Variants in LRP6 observed in about 807,000 individuals in gnomAD.
LRP6 encodes LDL receptor related protein 6, also known as low-density lipoprotein receptor-related protein 6.
Under a neutral mutation model 184.1 loss-of-function variants are expected in LRP6, and 43 were observed. The ratio of observed to expected loss-of-function variants is 0.23; its 90% confidence interval spans 0.18 to 0.30. The LOEUF is 0.30. LRP6 is among the 10% of genes least tolerant of loss of function. The pLI, the probability that LRP6 is intolerant of heterozygous loss-of-function variation, is 1.00. For synonymous variants in LRP6, 719 were observed against 684.9 expected, an observed-to-expected ratio of 1.05 and a Z score of -0.78; for missense variants, 1,571 against 2,005.3, an observed-to-expected ratio of 0.78 and a Z score of 4.14.
At chr12:12,223,502 C>A (rs1864541862) in intron 2 of LRP6, among the ~76,000 whole-genome samples, 2 of 152,156 alleles carry the variant, frequency 1.3e-5, no homozygotes, top group Admixed American at 1.3e-4. Context: ...TATATCAATA[C>A]AATCTTTCAT....
chr12:12,183,765 ATATGT>A (rs1863401191), intron 5 of LRP6, among the ~76,000 whole-genome samples: 1 of 152,346 alleles, frequency 6.6e-6, no homozygotes, highest in Admixed American at 6.5e-5. Flanking sequence ...TTTTTCAAAA[ATATGT>A]TATTTAAAAC....
intron 7 of LRP6, among the ~76,000 whole-genome samples, chr12:12,179,395 TATAGATATAG>T (rs1227065927): frequency 3.4e-5 from 5 of 146,224 alleles, no homozygotes; most frequent in African/African-American, 1.3e-4. Flanking sequence ...TAGATATAGA[TATAGATATAG>T]ATATAGATAT....
intron 4 of LRP6, among the ~76,000 whole-genome samples, chr12:12,186,048 AT>A (rs1863464586): frequency 6.6e-6 from 1 of 151,890 alleles, no homozygotes; most frequent in African/African-American, 2.4e-5. Flanking sequence ...GGGTTTCACC[AT>A]GTTGGCCAGG....
chr12:12,189,819 G>A (rs1014673434), intron 3 of LRP6, among the ~76,000 whole-genome samples: 25 of 151,908 alleles, frequency 1.6e-4, no homozygotes, highest in Admixed American at 5.9e-4. Flanking sequence ...AAATATAAAT[G>A]TCACTTTCTT....
In LRP6 at chr12:12,164,402, A is replaced by G. The variant is rs1862819115; in HGVS notation, c.1923T>C (p.Asp641=). 2 of 1,614,088 alleles carry G rather than the reference A, an allele frequency of 1.2e-6. No individual in the cohort carries two copies. The highest frequency in any genetic ancestry group is 1.7e-6 in the Non-Finnish European group (2 of 1,180,052). ...TTGTTTCCAGAGAAATTCGTCTGATATCTGCTCTCCGTGAAAACAAAAGGA... is the reference window on the plus strand; with the variant it reads ...TTGTTTCCAGAGAAATTCGTCTGATGTCTGCTCTCCGTGAAAACAAAAGGA... ...EAFLLFSRRA[D]IRRISLETNN... is the part of the protein sequence containing the mutation. Residue 641 remains aspartate (D), a synonymous_variant, in exon 9 of 23, where the codon GAT becomes GAC. Coordinates refer to ENST00000261349, the MANE Select transcript of LRP6 (RefSeq NM_002336.3).
chr12:12,213,685 T>C (rs984462975), intron 2 of LRP6, among the ~76,000 whole-genome samples: 3 of 152,256 alleles, frequency 2.0e-5, no homozygotes, highest in African/African-American at 7.2e-5. Context: ...GATACTGATA[T>C]AAACTGATTT....
intron 2 of LRP6, among the ~76,000 whole-genome samples, chr12:12,235,462 G>A (rs974775524): frequency 5.9e-5 from 9 of 152,168 alleles, no homozygotes; most frequent in Non-Finnish European, 1.0e-4. Context: ...GGGAGCAGTG[G>A]CTCACGCCTG....
chr12:12,187,010 A>G lies in LRP6; in HGVS notation c.757T>C (p.Tyr253His). 6.2e-7 allele frequency: 1 copy of G among 1,614,118 alleles called. No homozygotes were observed. Residue 253 changes from tyrosine to histidine, a missense_variant, in exon 4 of 23, where the codon TAT becomes CAT. Tyr to His is a moderately conservative substitution (Grantham distance 83). This residue lies in a region of LRP6 where 640 missense variants were observed against 851.9 expected (regional missense o/e 0.75). Coordinates refer to ENST00000261349, the MANE Select transcript of LRP6 (RefSeq NM_002336.3). ...STHSILACNK[Y>H]TGEGLREIHS... is the part of the protein sequence containing the mutation. ...ATTTCACGCAGACCCTCACCAGTAT[A>G]CTTGTTGCAAGCCAAAATGGAGTGT...
intron 15 of LRP6, chr12:12,138,963 G>A (rs780262164): frequency 1.0e-5 from 14 of 1,362,096 alleles, no homozygotes; most frequent in African/African-American, 1.5e-5. Context: ...TAGAAAAAAT[G>A]ACTGACTCAC....
At chr12:12,162,535 A>G in intron 9 of LRP6, 116 bp from the exon 10 acceptor site, 1 of 792,030 alleles carries the variant, frequency 1.3e-6, no homozygotes, top group Non-Finnish European at 2.2e-6. Context: ...CAAGAGGCAT[A>G]CTATTTCCTA....
chr12:12,213,750 C>CA (rs1864270032), intron 2 of LRP6, among the ~76,000 whole-genome samples: 2 of 152,040 alleles, frequency 1.3e-5, no homozygotes, highest in African/African-American at 4.8e-5. Flanking sequence ...TCTTGATTCC[C>CA]ACTCCTTTTA....
intron 2 of LRP6, among the ~76,000 whole-genome samples, chr12:12,214,862 G>A (rs1291550638): frequency 6.6e-6 from 1 of 152,076 alleles, no homozygotes; most frequent in Non-Finnish European, 1.5e-5. Flanking sequence ...TGACCTTCAG[G>A]CTGCTCAAAG....
intron 1 of LRP6, among the ~76,000 whole-genome samples, chr12:12,247,545 G>A (rs1865219020): frequency 6.6e-6 from 1 of 152,132 alleles, no homozygotes; most frequent in Non-Finnish European, 1.5e-5. Flanking sequence ...TACAATTGAG[G>A]ATTTGTAAAG....
chr12:12,266,597 G>A lies in LRP6; in HGVS notation c.55+84C>T, dbSNP rs924802979. 3 of 793,856 alleles carry A rather than the reference G, an allele frequency of 3.8e-6. No individual in the cohort carries two copies. The Admixed American group carries it at 6.7e-5, about 18-fold the overall frequency. The allele number at this position is 793,856 out of a possible 1,614,324, so 49.2% of individuals were successfully genotyped here. On this transcript the variant is annotated intron_variant, in intron 1 of 22. Coordinates refer to ENST00000261349, the MANE Select transcript of LRP6 (RefSeq NM_002336.3). ...CTCCTCTCCCCTTCTCCCTTCCTCCGTCCCTCCCCTCCCCCTAGACACATA... is the reference window on the plus strand; with the variant it reads ...CTCCTCTCCCCTTCTCCCTTCCTCCATCCCTCCCCTCCCCCTAGACACATA...
intron 1 of LRP6, among the ~76,000 whole-genome samples, chr12:12,260,585 C>T (rs1189132835): frequency 6.6e-6 from 1 of 152,088 alleles, no homozygotes; most frequent in Admixed American, 6.5e-5. Context: ...CCAGTCTTTC[C>T]AGAGTATAAT....
intron 5 of LRP6, among the ~76,000 whole-genome samples, chr12:12,182,953 C>T (rs1677179898): frequency 6.6e-6 from 1 of 152,204 alleles, no homozygotes; most frequent in South Asian, 2.1e-4. Context: ...AATAAATCCT[C>T]TGTTTTAAAG....
chr12:12,249,732 G>C (rs972028946), intron 1 of LRP6, among the ~76,000 whole-genome samples: 2 of 134,710 alleles, frequency 1.5e-5, no homozygotes, highest in Non-Finnish European at 3.2e-5. Flanking sequence ...AGGAAGGAAG[G>C]AAATAAATTA....
chr12:12,231,082 G>A (rs1163007120), intron 2 of LRP6, among the ~76,000 whole-genome samples: 1 of 148,938 alleles, frequency 6.7e-6, no homozygotes, highest in Non-Finnish European at 1.5e-5. Flanking sequence ...TTGGGAGGCT[G>A]AGGCAGGAGA....
intron 1 of LRP6, chr12:12,249,034 C>T: frequency 3.0e-6 from 2 of 659,790 alleles, no homozygotes; most frequent in Non-Finnish European, 5.5e-6. Flanking sequence ...CTTGCAATTT[C>T]CCACTTTTGG....
Sources: gnomAD v4.1 joint callset for allele counts (sites outside exome capture counted in the v4.1 genomes callset) on GRCh38, gnomAD v4.1.1 for gene constraint, gnomAD v4.1.1 regional missense constraint, MANE v1.5 for transcripts, NCBI Gene and HGNC (gene_info 2026-07-23, HGNC 2026-07-21) for gene names.